Variants in DYNC1H1 observed in about 807,000 individuals in gnomAD.
DYNC1H1 encodes cytoplasmic dynein 1 heavy chain 1.
In DYNC1H1, 51 loss-of-function variants were observed where a neutral mutation model predicts 527.1. The observed-to-expected ratio is 0.10, with a 90% CI of 0.08 to 0.12. The LOEUF (loss-of-function observed/expected upper bound fraction) is 0.12. Ranked by LOEUF, DYNC1H1 falls within the 10% of genes least tolerant of loss-of-function variation. The probability of loss-of-function intolerance (pLI) is 1.00; values close to 1 mark genes in which losing one functional copy is unlikely to be tolerated. For synonymous variants in DYNC1H1, 2,189 were observed against 2,278.8 expected, an observed-to-expected ratio of 0.96 and a Z score of 1.12; for missense variants, 2,771 against 5,971.8, an observed-to-expected ratio of 0.46 and a Z score of 17.66.
intron 73 of DYNC1H1, 100 bp from the exon 74 acceptor site, chr14:102,048,416 C>T (rs1055361267): frequency 7.3e-6 from 11 of 1,509,560 alleles, no homozygotes; most frequent in Non-Finnish European, 1.0e-5. Flanking sequence ...AGTTCGGAAG[C>T]TCTGGGGCTC....
At chr14:102,019,011 G>A (rs1053349569) in intron 41 of DYNC1H1, among the ~76,000 whole-genome samples, 7 of 152,114 alleles carry the variant, frequency 4.6e-5, no homozygotes, top group Non-Finnish European at 1.0e-4. Context: ...TTATTGAGCC[G>A]AGAGACTTTC....
rs2048082477 is a variant in DYNC1H1 at position 101,997,922 on chromosome 14, G to C, written c.3804+648G>C. On this transcript the variant is annotated intron_variant, in intron 16 of 77. Coordinates refer to ENST00000360184, the MANE Select transcript of DYNC1H1 (RefSeq NM_001376.5). The surrounding 1 kb of genome is among the most constrained non-coding windows in gnomAD (Gnocchi z 4.8). ...GGCAGGTGGTGGTGCTGCTGCGACA[G>C]AAGCAGATGAGAGGGCGCTGGCTCA... 6.6e-6 allele frequency among the ~76,000 whole-genome samples: 1 copy of C among 152,228 alleles called. No homozygotes were observed. Among genetic ancestry groups the C allele is most frequent in the Non-Finnish European group, 1.5e-5 (1 of 68,038 alleles).
intron 2 of DYNC1H1, among the ~76,000 whole-genome samples, chr14:101,976,487 A>G (rs1168348984): frequency 2.0e-5 from 3 of 151,728 alleles, no homozygotes. Context: ...GGTTGCAGTG[A>G]GCCGAGATTG....
At position 102,027,253 on chromosome 14, in the gene DYNC1H1, G is replaced by A; in HGVS notation, c.8851G>A (p.Ala2951Thr). Residue 2951 changes from alanine (A) to threonine (T), a missense_variant, in exon 45 of 78, where the codon GCC (alanine) becomes ACC (threonine). Physicochemically the swap from Ala to Thr is moderately conservative, Grantham distance 58 (BLOSUM62 0). Transcript: ENST00000360184. This position sits in a 1 kb window ranked among gnomAD's most constrained non-coding sequence, Gnocchi z 7.7. ...AAAAACTACCCTGTCTCGTTTCGTC[G>A]CCTGGATGAACGGTTTGAGTGTGTA... ...AGKTTLSRFV[A>T]WMNGLSVYQI... 7 of 1,614,026 alleles carry A rather than the reference G, an allele frequency of 4.3e-6. No homozygotes were observed. Among genetic ancestry groups the A allele is most frequent in the South Asian group, 1.1e-5 (1 of 91,080 alleles).
intron 12 of DYNC1H1, 101 bp from the exon 13 acceptor site, chr14:101,994,572 G>GA: frequency 6.7e-7 from 1 of 1,488,096 alleles, no homozygotes; most frequent in Non-Finnish European, 9.2e-7. Context: ...TAATAGTGGT[G>GA]AAAGACATGA....
In DYNC1H1 at chr14:102,008,409, C is replaced by T. The variant is rs963069811; in HGVS notation, c.5977+72C>T. ...ATTCCCTAGTGAACTAATTTTCTAC[C>T]TCTTGGATTAGAAATAAGCAAGAAT... On this transcript the variant is annotated intron_variant, in intron 29 of 77. Transcript: ENST00000360184. The T allele has an allele frequency of 4.5e-6, 7 of 1,564,804 alleles. No individual in the cohort carries two copies. In the Admixed American group the frequency reaches 9.1e-5, roughly 20 times the overall value.
In DYNC1H1 at chr14:102,038,964, G is replaced by A. The variant is rs368526447; in HGVS notation, c.11207-37G>A. On this transcript the variant is annotated intron_variant, in intron 59 of 77. Coordinates refer to ENST00000360184, the MANE Select transcript of DYNC1H1 (RefSeq NM_001376.5). This position sits in a 1 kb window ranked among gnomAD's most constrained non-coding sequence, Gnocchi z 7.2. ...CACTTCTGAGAGCATACCTTTTGAA[G>A]GATTATTGCAAACTCTGGATGTTTT... is the stretch of plus-strand genomic sequence containing the variant. 1.9e-6 allele frequency: 3 copies of A among 1,613,794 alleles called. No individual in the cohort carries two copies. The highest frequency in any genetic ancestry group is 2.7e-5 in the African/African-American group (2 of 74,890).
intron 15 of DYNC1H1, 52 bp downstream of exon 15, chr14:101,995,352 C>T: frequency 6.2e-7 from 1 of 1,610,544 alleles, no homozygotes; most frequent in East Asian, 2.2e-5. Flanking sequence ...TGGCTCACGC[C>T]TGTAATCCCA....
chr14:101,988,831 T>C lies in DYNC1H1; in HGVS notation c.2847T>C (p.Pro949=). 6.2e-7 allele frequency: 1 copy of C among 1,614,172 alleles called. No homozygotes were observed. Among genetic ancestry groups the C allele is most frequent in the South Asian group, 1.1e-5 (1 of 91,082 alleles). ...ATGCTCCACAAGTTAGTCACAAGCCTGGTGGAGAGCCAAAGATCAAAGTGA... is the reference window on the plus strand; with the variant it reads ...ATGCTCCACAAGTTAGTCACAAGCCCGGTGGAGAGCCAAAGATCAAAGTGA... ...DTDAPQVSHK[P]GGEPKIKNVV... Residue 949 remains proline, a synonymous_variant, in exon 10 of 78, where the codon CCT becomes CCC. Coordinates refer to ENST00000360184, the MANE Select transcript of DYNC1H1 (RefSeq NM_001376.5).
intron 1 of DYNC1H1, among the ~76,000 whole-genome samples, chr14:101,969,184 A>AT (rs33934050): frequency 0.04 from 5,562 of 139,202 alleles, 151 homozygotes; most frequent in Admixed American, 0.097. Flanking sequence ...CACCTGGTTA[A>AT]TTTTTTTTTT....
At chr14:102,048,447 T>A in intron 73 of DYNC1H1, 69 bp from the exon 74 acceptor site, 1 of 1,606,450 alleles carries the variant, frequency 6.2e-7, no homozygotes. Flanking sequence ...CCGAGTTACT[T>A]CTGTTTGACC....
chr14:102,007,555 G>A (rs2048211030), intron 28 of DYNC1H1, among the ~76,000 whole-genome samples: 1 of 152,154 alleles, frequency 6.6e-6, no homozygotes, highest in Non-Finnish European at 1.5e-5. Flanking sequence ...TAACTGCTGT[G>A]TGTAGGCACT....
At chr14:101,975,894 G>T in intron 2 of DYNC1H1, 95 bp downstream of exon 2, 3 of 966,338 alleles carry the variant, frequency 3.1e-6, no homozygotes, top group Non-Finnish European at 4.7e-6. Flanking sequence ...TTCTTACTAA[G>T]AGAATTAATA....
At position 102,044,514 on chromosome 14, in the gene DYNC1H1, G is replaced by A. The variant is rs1457984252; in HGVS notation, c.12902+23G>A. The A allele has an allele frequency of 8.1e-6, 13 of 1,614,162 alleles. No individual in the cohort carries two copies. Among genetic ancestry groups the A allele is most frequent in the Non-Finnish European group, 9.3e-6 (11 of 1,180,024 alleles). The stretch of plus-strand genomic sequence containing the variant: ...CAGGTATGCTGCTGCCTGCTGGAAT[G>A]GAGACAGTTGTGATGTCAGGGCGTC... On this transcript the variant is annotated intron_variant, in intron 71 of 77. Coordinates refer to ENST00000360184, the MANE Select transcript of DYNC1H1 (RefSeq NM_001376.5). This position sits in a 1 kb window ranked among gnomAD's most constrained non-coding sequence, Gnocchi z 7.1.
At chr14:102,040,706 G>A in intron 64 of DYNC1H1, 33 bp downstream of exon 64, 2 of 1,613,192 alleles carry the variant, frequency 1.2e-6, no homozygotes, top group East Asian at 4.5e-5. Context: ...TTCTGGACCT[G>A]AATGTAAAGT....
chr14:102,015,167 C>T lies in DYNC1H1; in HGVS notation c.7077C>T (p.Cys2359=), dbSNP rs200885538. ...CGACCTTGGCCACAGTGTCGCGCTG[C>T]GGCATGGTCTGGTTCAGTGAGGATG... is the stretch of plus-strand genomic sequence containing the variant. ...KYATLATVSR[C]GMVWFSEDVL... The change falls in exon 35 of 78, where the codon TGC becomes TGT. Residue 2359 remains cysteine, a synonymous_variant. Coordinates refer to ENST00000360184, the MANE Select transcript of DYNC1H1 (RefSeq NM_001376.5). This position sits in a 1 kb window ranked among gnomAD's most constrained non-coding sequence, Gnocchi z 6.9. 13 of 1,614,078 alleles carry T rather than the reference C, an allele frequency of 8.1e-6. No individual in the cohort carries two copies. Among genetic ancestry groups the T allele is most frequent in the East Asian group, 4.5e-5 (2 of 44,898 alleles).
At chr14:102,043,814 C>T in intron 69 of DYNC1H1, 61 bp from the exon 70 acceptor site, 1 of 1,611,976 alleles carries the variant, frequency 6.2e-7, no homozygotes, top group Admixed American at 1.7e-5. Flanking sequence ...CTGGCATCTG[C>T]ACTGTTCTTG....
At chr14:102,025,359 C>T (rs2048436022) in intron 43 of DYNC1H1, among the ~76,000 whole-genome samples, 1 of 151,412 alleles carries the variant, frequency 6.6e-6, no homozygotes, top group East Asian at 2.0e-4. Context: ...GAGCCGAGAT[C>T]GCGCCATTGC....
At position 102,042,178 on chromosome 14, in the gene DYNC1H1, G is replaced by T. The variant is rs2048659877; in HGVS notation, c.12215-50G>T. Reference sequence around the variant, plus strand: ...TGGAGCCCTGCAGGATTTGTGGTGGGCATTGATGTCCGAGGCTGCCGCTGC... The same window carrying T: ...TGGAGCCCTGCAGGATTTGTGGTGGTCATTGATGTCCGAGGCTGCCGCTGC... On this transcript the variant is annotated intron_variant, in intron 66 of 77. Transcript: ENST00000360184. The surrounding 1 kb of genome is among the most constrained non-coding windows in gnomAD (Gnocchi z 5.7). The T allele has an allele frequency of 5.0e-6, 8 of 1,613,938 alleles. No individual in the cohort carries two copies. The East Asian group carries it at 1.6e-4, about 31-fold the overall frequency.
Sources: allele counts gnomAD v4.1 joint callset (sites outside exome capture counted in the v4.1 genomes callset), GRCh38; gene constraint gnomAD v4.1.1; non-coding constraint Gnocchi (gnomAD v3.1); transcripts MANE v1.5; gene names NCBI Gene and HGNC (gene_info 2026-07-23, HGNC 2026-07-21).